Variants in ZBTB7C observed in about 807,000 individuals in gnomAD.
ZBTB7C encodes the protein zinc finger and BTB domain containing 7C.
In ZBTB7C, 8 loss-of-function variants were observed where a neutral mutation model predicts 25.7. The observed-to-expected ratio is 0.31, with a 90% CI of 0.18 to 0.56. The LOEUF is 0.56. Among genes scored for constraint, ZBTB7C ranks in the 20% least tolerant of loss-of-function variants. The pLI is 0.91. For missense variants in ZBTB7C, 824 were observed against 855.2 expected (o/e 0.96, Z 0.46); for synonymous variants, 394 against 369.0 (o/e 1.07, Z -0.78).
At chr18:48,059,078 T>C (rs930384438) in intron 3 of ZBTB7C, among the ~76,000 whole-genome samples, 3 of 152,204 alleles carry the variant, frequency 2.0e-5, no homozygotes, top group African/African-American at 7.2e-5. Context: ...TGTTTATTGT[T>C]TTAAGCTGCT....
intron 3 of ZBTB7C, among the ~76,000 whole-genome samples, chr18:48,159,928 C>T (rs1455554356): frequency 1.3e-5 from 2 of 152,212 alleles, no homozygotes; most frequent in Non-Finnish European, 2.9e-5. Flanking sequence ...CAGTGCCTGG[C>T]AGGGCCGCAG....
At chr18:48,314,289 C>A (rs55645116) in intron 2 of ZBTB7C, among the ~76,000 whole-genome samples, 1 of 152,152 alleles carries the variant, frequency 6.6e-6, no homozygotes, top group African/African-American at 2.4e-5. Flanking sequence ...TGCTTCAGTT[C>A]GTCTACAATG....
intron 3 of ZBTB7C, chr18:48,150,929 C>G (rs552835924): frequency 6.6e-6 from 1 of 152,282 alleles, no homozygotes; most frequent in South Asian, 2.1e-4. Context: ...AATCCTCTGC[C>G]AGAATCTCCT....
At chr18:48,258,278 A>C (rs911854501) in intron 2 of ZBTB7C, among the ~76,000 whole-genome samples, 1 of 152,234 alleles carries the variant, frequency 6.6e-6, no homozygotes, top group African/African-American at 2.4e-5. Flanking sequence ...GAGCAGAAGT[A>C]AGACTACTTT....
chr18:48,338,806 C>T (rs920560192), intron 1 of ZBTB7C, among the ~76,000 whole-genome samples: 4 of 151,882 alleles, frequency 2.6e-5, no homozygotes, highest in African/African-American at 9.7e-5. Flanking sequence ...CATGTTCTCG[C>T]ATGTGAGATG....
chr18:48,231,568 T>C (rs2043252727), intron 2 of ZBTB7C, among the ~76,000 whole-genome samples: 2 of 152,116 alleles, frequency 1.3e-5, no homozygotes, highest in Non-Finnish European at 1.5e-5. Context: ...CTCTGTTGCT[T>C]AACAGAGCAC....
intron 3 of ZBTB7C, among the ~76,000 whole-genome samples, chr18:48,177,250 G>A (rs780946514): frequency 2.6e-5 from 4 of 152,124 alleles, no homozygotes; most frequent in Non-Finnish European, 5.9e-5. Flanking sequence ...TCACCCTCAG[G>A]CCTCAGCTTC....
chr18:48,152,100 C>A (rs775089234), intron 3 of ZBTB7C, among the ~76,000 whole-genome samples: 4 of 152,042 alleles, frequency 2.6e-5, no homozygotes, highest in Non-Finnish European at 5.9e-5. Flanking sequence ...CAGTGCACAC[C>A]TAATCAGCCA....
chr18:48,377,539 G>A (rs563553917), intron 1 of ZBTB7C, among the ~76,000 whole-genome samples: 1 of 152,326 alleles, frequency 6.6e-6, no homozygotes, highest in South Asian at 2.1e-4. Flanking sequence ...CCCACACTGG[G>A]CCCAACCAGA....
chr18:48,265,372 C>T (rs919887452), intron 2 of ZBTB7C, among the ~76,000 whole-genome samples: 1 of 152,168 alleles, frequency 6.6e-6, no homozygotes, highest in South Asian at 2.1e-4. Context: ...TTTTCTCTGA[C>T]AATAGTCAAT....
Position 48,113,957 on chromosome 18 carries a change from T to G in ZBTB7C, c.-17+71977A>C, listed in dbSNP as rs2039335766. Reference sequence around the variant, plus strand: ...TTCACTCTGTGTCTCCATCTACTTGTCTGAAATAGGAGGGTGGTGGTGTCC... The same window carrying G: ...TTCACTCTGTGTCTCCATCTACTTGGCTGAAATAGGAGGGTGGTGGTGTCC... On this transcript the variant is annotated intron_variant, in intron 3 of 4. Coordinates refer to ENST00000590800, the MANE Select transcript of ZBTB7C (RefSeq NM_001318841.2). 2.0e-5 allele frequency among the ~76,000 whole-genome samples: 3 copies of G among 152,168 alleles called. No individual in the cohort carries two copies. In the South Asian group the frequency reaches 6.2e-4, roughly 32 times the overall value.
rs536056935 is a variant in ZBTB7C, at chr18:48,040,655, C to T, written c.453G>A (p.Glu151=). 3.7e-6 allele frequency: 6 copies of T among 1,613,598 alleles called. No individual in the cohort carries two copies. The African/African-American group carries it at 8.0e-5, about 22-fold the overall frequency. The change falls in exon 4 of 5, where the codon GAG becomes GAA. Residue 151 remains glutamate, a synonymous_variant. Transcript: ENST00000590800. ...DDDDDEDDDD[E]EDEEEEEEEE... is the part of the protein sequence containing the mutation. Reference sequence around the variant, plus strand: ...CTTCCTCCTCCTCCTCTTCGTCCTCCTCATCATCATCATCTTCGTCGTCGT... The same window carrying T: ...CTTCCTCCTCCTCCTCTTCGTCCTCTTCATCATCATCATCTTCGTCGTCGT...
At chr18:48,031,956 A>G (rs2035770320) in intron 4 of ZBTB7C, among the ~76,000 whole-genome samples, 1 of 152,154 alleles carries the variant, frequency 6.6e-6, no homozygotes, top group Non-Finnish European at 1.5e-5. Context: ...GGGCCTCCAC[A>G]AATTCACCCA....
chr18:48,104,311 C>T (rs1023045632), intron 3 of ZBTB7C, among the ~76,000 whole-genome samples: 4 of 152,118 alleles, frequency 2.6e-5, no homozygotes, highest in Non-Finnish European at 5.9e-5. Context: ...CTCTCTCTCT[C>T]CTGCTTCCTT....
chr18:48,309,055 G>T (rs1291673331), intron 2 of ZBTB7C, among the ~76,000 whole-genome samples: 1 of 152,186 alleles, frequency 6.6e-6, no homozygotes, highest in Non-Finnish European at 1.5e-5. Flanking sequence ...CTCACCCCTG[G>T]AATTAGAAGA....
chr18:48,200,126 TACG>T (rs1306395859), intron 2 of ZBTB7C, among the ~76,000 whole-genome samples: 2 of 152,088 alleles, frequency 1.3e-5, no homozygotes, highest in Non-Finnish European at 2.9e-5. Context: ...GAGCCCAGCG[TACG>T]ACACCTATTT....
intron 1 of ZBTB7C, among the ~76,000 whole-genome samples, chr18:48,390,074 G>A (rs2145254982): frequency 6.6e-6 from 1 of 152,272 alleles, no homozygotes; most frequent in Admixed American, 6.5e-5. Context: ...CCTGAACGAA[G>A]GAGCATCTGC....
At chr18:48,214,517 G>T (rs116737378) in intron 2 of ZBTB7C, among the ~76,000 whole-genome samples, 23 of 152,348 alleles carry the variant, frequency 1.5e-4, no homozygotes, top group African/African-American at 5.5e-4. Flanking sequence ...ATGCAGTAAA[G>T]AAGCTGGTTA....
At chr18:48,337,655 C>T (rs1418132846) in intron 2 of ZBTB7C, among the ~76,000 whole-genome samples, 1 of 152,178 alleles carries the variant, frequency 6.6e-6, no homozygotes, top group Non-Finnish European at 1.5e-5. Flanking sequence ...GACAAAAAGC[C>T]TTCTGTTTTT....
Sources: allele counts gnomAD v4.1 joint callset (sites outside exome capture counted in the v4.1 genomes callset), GRCh38; gene constraint gnomAD v4.1.1; transcripts MANE v1.5; gene names NCBI Gene and HGNC (gene_info 2026-07-23, HGNC 2026-07-21).